Variants in SPINT2 observed in about 807,000 individuals in gnomAD.
The protein encoded by SPINT2 is serine peptidase inhibitor, Kunitz type 2, also known as kunitz-type protease inhibitor 2.
Under a neutral mutation model 30.1 loss-of-function variants are expected in SPINT2, and 18 were observed. The ratio of observed to expected loss-of-function variants is 0.60; its 90% CI spans 0.41 to 0.89. The LOEUF (loss-of-function observed/expected upper bound fraction) is 0.89, where lower values mean the gene tolerates loss of function less well. Among genes scored for constraint, SPINT2 ranks in the 40% least tolerant of loss-of-function variants. The pLI, the probability that SPINT2 is intolerant of heterozygous loss-of-function variation, is 0.00. For synonymous variants in SPINT2, 139 were observed against 137.9 expected (o/e 1.01, Z -0.05); for missense variants, 276 against 334.3 (o/e 0.83, Z 1.36).
At chr19:38,267,010 A>G (rs1329740951) in intron 1 of SPINT2, among the ~76,000 whole-genome samples, 1 of 152,096 alleles carries the variant, frequency 6.6e-6, no homozygotes, top group Non-Finnish European at 1.5e-5. Context: ...GGGATGTGCC[A>G]TTTAACCTTT....
At chr19:38,280,696 G>T (rs753224838) in intron 1 of SPINT2, among the ~76,000 whole-genome samples, 1 of 151,808 alleles carries the variant, frequency 6.6e-6, no homozygotes, top group Non-Finnish European at 1.5e-5. Context: ...CCTTACTTAC[G>T]AAGTTACCGA....
intron 1 of SPINT2, among the ~76,000 whole-genome samples, chr19:38,275,912 A>G (rs1027784175): frequency 6.6e-6 from 1 of 150,870 alleles, no homozygotes; most frequent in Admixed American, 6.6e-5. Context: ...TTTTTAGTAC[A>G]GACGGGGTTT....
chr19:38,267,100 A>C (rs941528980), intron 1 of SPINT2, among the ~76,000 whole-genome samples: 1 of 152,180 alleles, frequency 6.6e-6, no homozygotes, highest in African/African-American at 2.4e-5. Context: ...GCCAGGTCTC[A>C]CTGCAGAGGC....
chr19:38,286,640 G>T (rs1283664882), intron 2 of SPINT2, among the ~76,000 whole-genome samples: 1 of 152,064 alleles, frequency 6.6e-6, no homozygotes, highest in African/African-American at 2.4e-5. Flanking sequence ...AAAATTAGCC[G>T]GGCCTGGTGG....
At chr19:38,274,824 A>AAAAC (rs931718771) in intron 1 of SPINT2, among the ~76,000 whole-genome samples, 1 of 151,796 alleles carries the variant, frequency 6.6e-6, no homozygotes, top group Non-Finnish European at 1.5e-5. Context: ...AAAAAAAAAA[A>AAAAC]AAACATAAAA....
At position 38,292,046 on chromosome 19, in the gene SPINT2, CTA is replaced by C. The variant is rs760711996; in HGVS notation, c.*42_*43del. On this transcript the variant is annotated 3_prime_UTR_variant, in exon 7 of 7. Transcript: ENST00000301244. ...AGAGGACTGGGGAAGGGAGGGGAGACTATGTGTGAGCTTTTTTTAAATAGAGG... is the reference window on the plus strand; with the variant it reads ...AGAGGACTGGGGAAGGGAGGGGAGACTGTGTGAGCTTTTTTTAAATAGAGG... 28 of 1,610,154 alleles carry C rather than the reference CTA, an allele frequency of 1.7e-5. No individual in the cohort carries two copies. Among genetic ancestry groups the C allele is most frequent in the Middle Eastern group, 3.3e-4 (2 of 6,080 alleles).
At chr19:38,269,228 G>A (rs1381905006) in intron 1 of SPINT2, among the ~76,000 whole-genome samples, 5 of 151,200 alleles carry the variant, frequency 3.3e-5, no homozygotes, top group Admixed American at 6.6e-5. Context: ...CTCCTGAGTA[G>A]CTGGGACTAC....
intron 1 of SPINT2, among the ~76,000 whole-genome samples, chr19:38,281,128 C>T (rs1301062851): frequency 1.3e-5 from 2 of 152,144 alleles, no homozygotes; most frequent in African/African-American, 4.8e-5. Context: ...CAGAGTCACA[C>T]ACCAGAGGAC....
intron 1 of SPINT2, among the ~76,000 whole-genome samples, chr19:38,266,018 T>A (rs1021759238): frequency 6.6e-6 from 1 of 152,176 alleles, no homozygotes; most frequent in Non-Finnish European, 1.5e-5. Flanking sequence ...TTAGCTCAGG[T>A]GGTCGGGGGA....
At chr19:38,288,715 C>G (rs1600350566) in intron 3 of SPINT2, 1 of 230,980 alleles carries the variant, frequency 4.3e-6, no homozygotes, top group Non-Finnish European at 8.8e-6. Context: ...CACTTTCCAG[C>G]TTTGCTAGGC....
chr19:38,288,776 C>T (rs2146278509), intron 3 of SPINT2: 1 of 286,976 alleles, frequency 3.5e-6, no homozygotes, highest in Non-Finnish European at 6.9e-6. Flanking sequence ...CCCTGTTTAT[C>T]CTCTGCTAGC....
At chr19:38,283,203 T>G (rs763978625) in intron 1 of SPINT2, among the ~76,000 whole-genome samples, 5 of 151,906 alleles carry the variant, frequency 3.3e-5, no homozygotes, top group Non-Finnish European at 5.9e-5. Flanking sequence ...TAGTTCCAGT[T>G]GCTTAGGAGG....
intron 2 of SPINT2, among the ~76,000 whole-genome samples, chr19:38,287,636 TC>T (rs1448583031): frequency 6.6e-6 from 1 of 152,114 alleles, no homozygotes; most frequent in African/African-American, 2.4e-5. Flanking sequence ...CAAGTCACTG[TC>T]TTTTTAAGGT....
At chr19:38,280,580 C>T (rs552555164) in intron 1 of SPINT2, among the ~76,000 whole-genome samples, 132 of 152,264 alleles carry the variant, frequency 8.7e-4, no homozygotes, top group African/African-American at 3.0e-3. Flanking sequence ...AAGATGTTGG[C>T]CAGGTTCTAG....
chr19:38,274,823 A>C (rs893578898), intron 1 of SPINT2, among the ~76,000 whole-genome samples: 1 of 151,822 alleles, frequency 6.6e-6, no homozygotes, highest in Non-Finnish European at 1.5e-5. Context: ...AAAAAAAAAA[A>C]AAAACATAAA....
intron 1 of SPINT2, chr19:38,265,511 G>T (rs1268044155): frequency 2.0e-5 from 3 of 152,792 alleles, no homozygotes; most frequent in Non-Finnish European, 4.4e-5. Flanking sequence ...TAAAGTAGGT[G>T]CCCGAGAAGG....
At position 38,286,307 on chromosome 19, in the gene SPINT2, G is replaced by A. The variant is rs118145427; in HGVS notation, c.278-1569G>A. On this transcript the variant is annotated intron_variant, in intron 2 of 6. Transcript: ENST00000301244. ...GTCCCCGGGCCCACGCCTTTAGTCC[G>A]CATAGGCAAGTCTCTAGTCCAGTTG... Among the ~76,000 whole-genome samples, 538 of 152,252 alleles carry A rather than the reference G, an allele frequency of 3.5e-3. 11 individuals carry two copies. In the East Asian group the frequency reaches 0.035, roughly 10 times the overall value.
intron 1 of SPINT2, 38 bp downstream of exon 1, chr19:38,265,036 G>T: frequency 6.6e-7 from 1 of 1,506,262 alleles, no homozygotes; most frequent in Non-Finnish European, 8.9e-7. Flanking sequence ...CGGGGCGCAG[G>T]GGGCAGAGGC....
intron 1 of SPINT2, among the ~76,000 whole-genome samples, chr19:38,270,500 A>G (rs1452374691): frequency 6.6e-6 from 1 of 152,196 alleles, no homozygotes; most frequent in Non-Finnish European, 1.5e-5. Context: ...ACAGTACAAT[A>G]AATGAACAGA....
Sources: allele counts gnomAD v4.1 joint callset (sites outside exome capture counted in the v4.1 genomes callset), GRCh38; gene constraint gnomAD v4.1.1; transcripts MANE v1.5; gene names NCBI Gene and HGNC (gene_info 2026-07-23, HGNC 2026-07-21).